The following COA1 variants were observed in gnomAD, a reference collection of about 807,000 sequenced individuals.
COA1 encodes cytochrome c oxidase assembly factor 1 homolog.
COA1 carries 13 observed loss-of-function variants against 16.0 expected under a neutral mutation model. That is an observed-to-expected ratio of 0.81 (90% CI 0.53 to 1.29). The LOEUF (loss-of-function observed/expected upper bound fraction) is 1.29, where lower values mean the gene tolerates loss of function less well. Ranked by LOEUF, COA1 falls within the 50% of genes most tolerant of loss-of-function variation. The pLI is 0.00. For synonymous variants in COA1, 65 were observed against 65.7 expected (o/e 0.99, Z 0.05); for missense variants, 179 against 177.0 (o/e 1.01, Z -0.06).
intron 1 of COA1, among the ~76,000 whole-genome samples, chr7:43,685,879 AG>A (rs2093999280): frequency 6.6e-6 from 1 of 152,246 alleles, no homozygotes; most frequent in Non-Finnish European, 1.5e-5. Context: ...AAAGTCACCA[AG>A]AAATTTCTAT....
chr7:43,709,489 C>T (rs1262659054), intron 1 of COA1, among the ~76,000 whole-genome samples: 1 of 145,304 alleles, frequency 6.9e-6, no homozygotes, highest in Non-Finnish European at 1.5e-5. Context: ...CATGAACATG[C>T]ATATATATAA....
chr7:43,667,382 CTTCT>C (rs1218838928), intron 1 of COA1, among the ~76,000 whole-genome samples: 1 of 152,098 alleles, frequency 6.6e-6, no homozygotes, highest in Non-Finnish European at 1.5e-5. Context: ...TATTTCCAAT[CTTCT>C]TTAAGTTATA....
At chr7:43,670,451 TA>T (rs879337869) in intron 1 of COA1, among the ~76,000 whole-genome samples, 172 of 144,924 alleles carry the variant, frequency 1.2e-3, no homozygotes, top group Admixed American at 2.0e-3. Flanking sequence ...AGACTTGGTC[TA>T]AAAAAAAAAA....
intron 1 of COA1, among the ~76,000 whole-genome samples, chr7:43,700,353 T>C (rs572453754): frequency 1.1e-4 from 16 of 152,074 alleles, no homozygotes; most frequent in East Asian, 9.6e-4. Context: ...ATACATAAAA[T>C]TTTCTATAAC....
chr7:43,708,251 T>G (rs749971009), intron 1 of COA1, among the ~76,000 whole-genome samples: 1 of 152,160 alleles, frequency 6.6e-6, no homozygotes, highest in Non-Finnish European at 1.5e-5. Context: ...AGGGATCACT[T>G]GAATTCAAGA....
At chr7:43,716,899 G>A (rs2095407246) in intron 1 of COA1, among the ~76,000 whole-genome samples, 1 of 152,218 alleles carries the variant, frequency 6.6e-6, no homozygotes, top group African/African-American at 2.4e-5. Context: ...TGCAGAGCTT[G>A]GGTTGTGGCT....
At chr7:43,697,240 C>A (rs1219824205) in intron 1 of COA1, among the ~76,000 whole-genome samples, 1 of 152,072 alleles carries the variant, frequency 6.6e-6, no homozygotes, top group Non-Finnish European at 1.5e-5. Context: ...TCTCTAAATT[C>A]TTCTGTATGC....
intron 6 of COA1, among the ~76,000 whole-genome samples, chr7:43,613,224 T>C (rs577985248): frequency 6.6e-6 from 1 of 152,254 alleles, no homozygotes; most frequent in Non-Finnish European, 1.5e-5. Flanking sequence ...AGGTTGAAAA[T>C]ATTCAGGGTG....
chr7:43,691,269 G>GAAAAGAAAAGA (rs144312327), intron 1 of COA1, among the ~76,000 whole-genome samples: 577 of 29,414 alleles, frequency 0.02, 5 homozygotes, highest in Admixed American at 0.041. Flanking sequence ...AGAAAGAAAA[G>GAAAAGAAAAGA]AAAGAAAGAA....
chr7:43,713,855 A>G (rs1010598926), intron 1 of COA1, among the ~76,000 whole-genome samples: 3 of 152,118 alleles, frequency 2.0e-5, no homozygotes, highest in Non-Finnish European at 4.4e-5. Flanking sequence ...CCTGACCAAC[A>G]TGGTGAAAGC....
intron 1 of COA1, chr7:43,665,715 A>G (rs1336050513): frequency 3.3e-5 from 5 of 152,488 alleles, no homozygotes; most frequent in African/African-American, 1.2e-4. Flanking sequence ...AAGGGGAAGC[A>G]GGCACCTCTT....
chr7:43,671,480 A>C (rs936671199), intron 1 of COA1, among the ~76,000 whole-genome samples: 13 of 152,196 alleles, frequency 8.5e-5, no homozygotes, highest in Non-Finnish European at 1.5e-5. Context: ...AATGGCCACG[A>C]AAAAATAAAG....
intron 6 of COA1, among the ~76,000 whole-genome samples, chr7:43,621,967 T>C (rs373513630): frequency 3.9e-5 from 6 of 152,324 alleles, no homozygotes; most frequent in African/African-American, 1.4e-4. Flanking sequence ...CTATGTGACC[T>C]TGGCCCTTAA....
At chr7:43,651,902 C>A (rs2090897472) in intron 1 of COA1, among the ~76,000 whole-genome samples, 1 of 152,044 alleles carries the variant, frequency 6.6e-6, no homozygotes, top group South Asian at 2.1e-4. Context: ...GAGGCTGAGG[C>A]AGGAGGATGG....
At chr7:43,704,720 G>C (rs1341236199) in intron 1 of COA1, among the ~76,000 whole-genome samples, 1 of 152,068 alleles carries the variant, frequency 6.6e-6, no homozygotes, top group African/African-American at 2.4e-5. Flanking sequence ...CACTCTTACT[G>C]TGTTCCCTGG....
intron 1 of COA1, among the ~76,000 whole-genome samples, chr7:43,723,157 A>T (rs1300433769): frequency 6.6e-6 from 1 of 152,230 alleles, no homozygotes; most frequent in Non-Finnish European, 1.5e-5. Context: ...TTTATCCCTT[A>T]GGGCTGCCCT....
At chr7:43,702,076 C>T (rs1220526359) in intron 1 of COA1, among the ~76,000 whole-genome samples, 1 of 152,046 alleles carries the variant, frequency 6.6e-6, no homozygotes, top group South Asian at 2.1e-4. Context: ...AAGCTCCTTA[C>T]TTTTAGGTCT....
At chr7:43,729,267 G>A (rs1585678681) in intron 1 of COA1, among the ~76,000 whole-genome samples, 162 bp downstream of exon 1, 1 of 152,236 alleles carries the variant, frequency 6.6e-6, no homozygotes, top group East Asian at 1.9e-4. Context: ...GCTGCGCAGG[G>A]AGGCCGCGAC....
At chr7:43,655,545 C>T (rs1199545974) in intron 1 of COA1, among the ~76,000 whole-genome samples, 1 of 152,100 alleles carries the variant, frequency 6.6e-6, no homozygotes, top group African/African-American at 2.4e-5. Context: ...ACCTGTAATC[C>T]CAGCTACTCA....
Sources: allele counts gnomAD v4.1 joint callset (sites outside exome capture counted in the v4.1 genomes callset), GRCh38; gene constraint gnomAD v4.1.1; transcripts MANE v1.5; gene names NCBI Gene and HGNC (gene_info 2026-07-23, HGNC 2026-07-21).